The following RGS7 variants were observed in gnomAD, a reference collection of about 807,000 sequenced individuals.
The protein encoded by RGS7 is regulator of G-protein signaling 7.
Under a neutral mutation model 81.1 loss-of-function variants are expected in RGS7, and 27 were observed. The observed-to-expected ratio is 0.33, with a 90% CI of 0.25 to 0.46. The LOEUF (loss-of-function observed/expected upper bound fraction) is 0.46, where lower values mean the gene tolerates loss of function less well. Ranked by LOEUF, RGS7 falls within the 20% of genes least tolerant of loss-of-function variation. The pLI, the probability that RGS7 is intolerant of heterozygous loss-of-function variation, is 1.00. For missense variants in RGS7, 396 were observed against 607.4 expected (o/e 0.65, Z 3.66); for synonymous variants, 208 against 207.7 (o/e 1.00, Z -0.01).
intron 3 of RGS7, among the ~76,000 whole-genome samples, chr1:241,068,238 G>GTGTGTGTGTGTGTGTATATATATATATA: frequency 2.8e-5 from 1 of 35,676 alleles, no homozygotes; most frequent in East Asian, 6.8e-3. Context: ...GTGTGTGTGT[G>GTGTGTGTGTGTGTGTATATATATATATA]TATATATATA....
intron 2 of RGS7, among the ~76,000 whole-genome samples, chr1:241,292,269 G>A (rs1340886383): frequency 2.0e-5 from 3 of 152,076 alleles, no homozygotes; most frequent in Admixed American, 2.0e-4. Context: ...CTATAGTATA[G>A]TAAATACATA....
In RGS7 at chr1:240,798,539, G is replaced by A. The variant is rs188599571; in HGVS notation, c.*6+2102C>T. On this transcript the variant is annotated intron_variant, in intron 18 of 18. Coordinates refer to ENST00000440928, the MANE Select transcript of RGS7 (RefSeq NM_001364886.1). ...GAATGTCAAAGAGCAGGGTGGATCC[G>A]TGGAAATAGCACTGGGGAACAAAAT... is the stretch of plus-strand genomic sequence containing the variant. Among the ~76,000 whole-genome samples, 143 of 152,230 alleles carry A rather than the reference G, an allele frequency of 9.4e-4. 2 individuals carry two copies. The highest frequency in any genetic ancestry group is 8.3e-4 in the South Asian group (4 of 4,822).
At chr1:240,970,903 C>T (rs1388525047) in intron 4 of RGS7, among the ~76,000 whole-genome samples, 1 of 151,990 alleles carries the variant, frequency 6.6e-6, no homozygotes, top group East Asian at 1.9e-4. Context: ...TCCTTGAACC[C>T]GGGGGGCAGA....
At chr1:240,872,584 C>A (rs573925843) in intron 6 of RGS7, among the ~76,000 whole-genome samples, 194 of 152,326 alleles carry the variant, frequency 1.3e-3, no homozygotes, top group African/African-American at 4.5e-3. Context: ...TAGGCCCAGA[C>A]CTCATCAGTC....
chr1:241,094,051 G>A (rs998338137), intron 3 of RGS7, among the ~76,000 whole-genome samples: 3 of 151,990 alleles, frequency 2.0e-5, no homozygotes, highest in African/African-American at 7.3e-5. Flanking sequence ...CTGCTGGACT[G>A]TGCCTGAGGA....
chr1:241,157,269 C>A (rs1179195259), intron 2 of RGS7, among the ~76,000 whole-genome samples: 3 of 152,192 alleles, frequency 2.0e-5, no homozygotes, highest in African/African-American at 7.2e-5. Flanking sequence ...TTCTCCTTTG[C>A]TTCTACCTAC....
intron 2 of RGS7, among the ~76,000 whole-genome samples, chr1:241,174,895 G>GTTTTTT (rs551122102): frequency 7.7e-4 from 53 of 69,232 alleles, no homozygotes; most frequent in East Asian, 1.0e-3. Context: ...ACAGAATTTT[G>GTTTTTT]TTTTTTTTTT....
intron 6 of RGS7, among the ~76,000 whole-genome samples, chr1:240,926,964 T>C (rs768067690): frequency 3.9e-5 from 6 of 152,330 alleles, no homozygotes; most frequent in South Asian, 2.1e-4. Context: ...AACTGATCTA[T>C]TGAGGCTTAT....
intron 4 of RGS7, among the ~76,000 whole-genome samples, chr1:240,963,872 C>G (rs1242950249): frequency 6.6e-6 from 1 of 152,164 alleles, no homozygotes; most frequent in Non-Finnish European, 1.5e-5. Flanking sequence ...AAATGTTGGG[C>G]ATGGTGGCCC....
Position 241,139,402 on chromosome 1 carries a change from C to T in RGS7, c.79-40640G>A, listed in dbSNP as rs897523992. Among the ~76,000 whole-genome samples the T allele has an allele frequency of 8.5e-5, 13 of 152,076 alleles. 1 individual carries two copies. The highest frequency in any genetic ancestry group is 2.6e-4 in the Admixed American group (4 of 15,252). ...GTTTATCCATTTACCAGTTGTGACA[C>T]AAGTTAGGGTTGTTTCCACTTTAGA... is the stretch of plus-strand genomic sequence containing the variant. On this transcript the variant is annotated intron_variant, in intron 2 of 18. Transcript: ENST00000440928.
chr1:240,826,506 G>A (rs906034799), intron 10 of RGS7, among the ~76,000 whole-genome samples: 42 of 152,184 alleles, frequency 2.8e-4, no homozygotes, highest in African/African-American at 8.9e-4. Flanking sequence ...TTCTCAAAGC[G>A]ACTGCTACAG....
At chr1:240,890,758 C>T (rs1350680975) in intron 6 of RGS7, among the ~76,000 whole-genome samples, 1 of 152,146 alleles carries the variant, frequency 6.6e-6, no homozygotes, top group Non-Finnish European at 1.5e-5. Context: ...AGAGAGTTTA[C>T]AGGATTTGTT....
intron 4 of RGS7, among the ~76,000 whole-genome samples, chr1:240,968,180 T>C (rs1682636831): frequency 6.6e-6 from 1 of 152,188 alleles, no homozygotes; most frequent in South Asian, 2.1e-4. Context: ...CCCGTGTTCA[T>C]GGATGAACCC....
intron 6 of RGS7, chr1:240,919,861 C>T: frequency 1.2e-6 from 1 of 842,290 alleles, no homozygotes; most frequent in Non-Finnish European, 2.0e-6. Context: ...GGGGATGTGG[C>T]CATGAATGGA....
intron 3 of RGS7, among the ~76,000 whole-genome samples, chr1:241,087,128 C>T (rs2063496025): frequency 6.6e-6 from 1 of 152,180 alleles, no homozygotes. Flanking sequence ...ACAAAACGCT[C>T]ACACACAGTA....
intron 2 of RGS7, among the ~76,000 whole-genome samples, chr1:241,196,501 C>T (rs2073087729): frequency 6.6e-6 from 1 of 151,856 alleles, no homozygotes; most frequent in Admixed American, 6.6e-5. Flanking sequence ...AAAGAAAAAC[C>T]AGACAGTGCA....
At position 241,232,212 on chromosome 1, in the gene RGS7, T is replaced by TC. The variant is rs1183118927; in HGVS notation, c.78+123486_78+123487insG. On this transcript the variant is annotated intron_variant, in intron 2 of 18. Transcript: ENST00000440928. ...GTCTATTCTCTCTCTCTCTCTCTCT[T>TC]TCTCTCTCTCTTTTGAGATGCCAGA... Among the ~76,000 whole-genome samples the TC allele has an allele frequency of 4.0e-3, 427 of 108,028 alleles. 1 individual carries two copies. Among genetic ancestry groups the TC allele is most frequent in the Non-Finnish European group, 5.6e-3 (292 of 52,496 alleles). 70.9% of individuals were successfully genotyped at this position (108,028 alleles called of 152,430 possible). A position where few individuals can be genotyped will look rare whatever the true frequency, so the allele number is the denominator to read the frequency against.
intron 3 of RGS7, among the ~76,000 whole-genome samples, chr1:241,004,372 C>A (rs2058578326): frequency 6.6e-6 from 1 of 152,004 alleles, no homozygotes; most frequent in Non-Finnish European, 1.5e-5. Context: ...TGTGGAGAGA[C>A]ATGGTAAAAA....
intron 2 of RGS7, among the ~76,000 whole-genome samples, chr1:241,230,745 A>T (rs990873916): frequency 1.3e-5 from 2 of 152,224 alleles, no homozygotes; most frequent in Non-Finnish European, 2.9e-5. Flanking sequence ...GTTCTGTCCT[A>T]GGACCGTGAG....
Sources: allele counts gnomAD v4.1 joint callset (sites outside exome capture counted in the v4.1 genomes callset), GRCh38; gene constraint gnomAD v4.1.1; transcripts MANE v1.5; gene names NCBI Gene and HGNC (gene_info 2026-07-23, HGNC 2026-07-21).